Variants in TRAM2 observed in about 807,000 individuals in gnomAD.
The protein encoded by TRAM2 is translocating chain-associated membrane protein 2.
In TRAM2, 12 loss-of-function variants were observed where a neutral mutation model predicts 51.0. The observed-to-expected ratio is 0.24, with a 90% CI of 0.15 to 0.38. TRAM2 has a LOEUF of 0.38. Ranked by LOEUF, TRAM2 falls within the 10% of genes least tolerant of loss-of-function variation. The pLI is 1.00. For missense variants in TRAM2, 361 were observed against 462.0 expected (o/e 0.78, Z 2.00); for synonymous variants, 175 against 179.4 (o/e 0.98, Z 0.20).
rs753206897 is a variant in TRAM2 at position 52,504,604 on chromosome 6, G to A, written c.1026C>T (p.Ile342=). ...PATPRLPARL[I]KRESGYHENG... is the part of the protein sequence containing the mutation. ...CCTGGCACTCACCAGATTCCCTCTT[G>A]ATGAGCCTGGCTGGTAGTCTGGGTG... Residue 342 remains isoleucine (I), a synonymous_variant, in exon 10 of 11, where the codon ATC becomes ATT. Transcript: ENST00000182527. 2 of 1,614,174 alleles carry A rather than the reference G, an allele frequency of 1.2e-6. No homozygotes were observed. The highest frequency in any genetic ancestry group is 2.2e-5 in the South Asian group (2 of 91,086).
chr6:52,509,425 G>A (rs544415861), intron 5 of TRAM2, 103 bp downstream of exon 5: 41 of 1,128,284 alleles, frequency 3.6e-5, no homozygotes, highest in Middle Eastern at 2.4e-4. Flanking sequence ...TGATCTGCTC[G>A]TCAGGCCAGC....
intron 1 of TRAM2, among the ~76,000 whole-genome samples, chr6:52,572,276 C>G (rs1375373226): frequency 6.6e-6 from 1 of 152,156 alleles, no homozygotes; most frequent in African/African-American, 2.4e-5. Context: ...ACTAGAAAAG[C>G]TGGCAAAGGA....
chr6:52,546,038 G>A (rs1249749390), intron 1 of TRAM2, among the ~76,000 whole-genome samples: 1 of 152,172 alleles, frequency 6.6e-6, no homozygotes, highest in Non-Finnish European at 1.5e-5. Flanking sequence ...AGTACAGGCG[G>A]TTCAGGATGG....
At chr6:52,559,744 G>A (rs1767466840) in intron 1 of TRAM2, among the ~76,000 whole-genome samples, 1 of 152,056 alleles carries the variant, frequency 6.6e-6, no homozygotes, top group Non-Finnish European at 1.5e-5. Context: ...TCTCACCTCT[G>A]GGCTTACCCC....
At chr6:52,572,926 A>C (rs953534533) in intron 1 of TRAM2, among the ~76,000 whole-genome samples, 2 of 152,184 alleles carry the variant, frequency 1.3e-5, no homozygotes, top group Admixed American at 6.5e-5. Flanking sequence ...CCTCTAAAAC[A>C]ATCAAAAAGC....
chr6:52,513,362 C>T (rs1051334662), intron 4 of TRAM2, among the ~76,000 whole-genome samples: 1 of 152,208 alleles, frequency 6.6e-6, no homozygotes, highest in African/African-American at 2.4e-5. Context: ...CACTCATTCT[C>T]ATAGCCAACA....
At chr6:52,517,660 G>GC (rs1240436562) in intron 2 of TRAM2, among the ~76,000 whole-genome samples, 1 of 152,248 alleles carries the variant, frequency 6.6e-6, no homozygotes, top group East Asian at 1.9e-4. Flanking sequence ...CTGGGTCTGG[G>GC]CTGCTCTCTG....
At chr6:52,505,971 G>T in intron 8 of TRAM2, 61 bp downstream of exon 8, 1 of 1,573,914 alleles carries the variant, frequency 6.4e-7, no homozygotes, top group East Asian at 2.2e-5. Context: ...CAACCATCCG[G>T]GCCTCGGGGG....
chr6:52,521,784 C>T (rs942356397), intron 2 of TRAM2, among the ~76,000 whole-genome samples: 5 of 152,070 alleles, frequency 3.3e-5, no homozygotes, highest in African/African-American at 7.2e-5. Flanking sequence ...AATCCTCACA[C>T]GACCCAGGTT....
At position 52,499,846 on chromosome 6, in the gene TRAM2, A is replaced by G. The variant is rs576539039; in HGVS notation, c.*3351T>C. The G allele has an allele frequency of 1.3e-5, 2 of 152,366 alleles. No individual in the cohort carries two copies. The highest frequency in any genetic ancestry group is 4.1e-4 in the South Asian group (2 of 4,826). 9.4% of individuals were successfully genotyped at this position (152,366 alleles called of 1,614,324 possible). On this transcript the variant is annotated 3_prime_UTR_variant, in exon 11 of 11. Coordinates refer to ENST00000182527, the MANE Select transcript of TRAM2 (RefSeq NM_012288.4). ...GTGGCCCAGACACACATGGGATTAGAACTGACTCAAAAGGGAGGACAGCAG... is the reference window on the plus strand; with the variant it reads ...GTGGCCCAGACACACATGGGATTAGGACTGACTCAAAAGGGAGGACAGCAG...
chr6:52,548,456 C>T (rs1767249135), intron 1 of TRAM2, among the ~76,000 whole-genome samples: 1 of 152,218 alleles, frequency 6.6e-6, no homozygotes, highest in Non-Finnish European at 1.5e-5. Flanking sequence ...CCTCATCTAA[C>T]CTCCAACTCT....
chr6:52,518,805 A>G (rs1178153298), intron 2 of TRAM2, among the ~76,000 whole-genome samples: 3 of 152,228 alleles, frequency 2.0e-5, no homozygotes, highest in Non-Finnish European at 4.4e-5. Flanking sequence ...TAAAGAGACC[A>G]ATTAGGTGGC....
intron 2 of TRAM2, among the ~76,000 whole-genome samples, chr6:52,517,699 T>A (rs570872509): frequency 6.6e-6 from 1 of 152,338 alleles, no homozygotes; most frequent in South Asian, 2.1e-4. Flanking sequence ...GGCAAATGGC[T>A]GCTCTCCAGC....
intron 1 of TRAM2, 46 bp downstream of exon 1, chr6:52,576,750 G>C: frequency 6.2e-7 from 1 of 1,600,420 alleles, no homozygotes; most frequent in Non-Finnish European, 8.5e-7. Context: ...GGCGGTGCAC[G>C]ACAGGGGGCA....
At position 52,542,902 on chromosome 6, in the gene TRAM2, T is replaced by C. The variant is rs140381334; in HGVS notation, c.121-7056A>G. Among the ~76,000 whole-genome samples, 790 of 152,304 alleles carry C rather than the reference T, an allele frequency of 5.2e-3. 10 individuals are homozygous for C. Among genetic ancestry groups the C allele is most frequent in the African/African-American group, 0.018 (730 of 41,564 alleles). On this transcript the variant is annotated intron_variant, in intron 1 of 10. Transcript: ENST00000182527. Reference sequence around the variant, plus strand: ...GGCTTTTTAAAAAAGAGAATAAAGCTTGAACTTGCCATAATATACATCCCC... The same window carrying C: ...GGCTTTTTAAAAAAGAGAATAAAGCCTGAACTTGCCATAATATACATCCCC...
chr6:52,529,533 T>A (rs1324500900), intron 2 of TRAM2: 2 of 152,074 alleles, frequency 1.3e-5, no homozygotes, highest in Non-Finnish European at 2.9e-5. Flanking sequence ...AGAGTGTGTT[T>A]TTCTCACAGG....
At chr6:52,536,464 A>C (rs554493057) in intron 1 of TRAM2, among the ~76,000 whole-genome samples, 7 of 152,234 alleles carry the variant, frequency 4.6e-5, no homozygotes, top group Non-Finnish European at 1.0e-4. Flanking sequence ...TGTGGTTGCC[A>C]CCTAGTTATG....
intron 2 of TRAM2, chr6:52,517,417 T>A (rs1766572155): frequency 6.6e-6 from 1 of 152,248 alleles, no homozygotes; most frequent in Non-Finnish European, 1.5e-5. Context: ...GTTGGGCTAG[T>A]GCAAGGATCA....
At chr6:52,535,519 A>G (rs1273808535) in intron 2 of TRAM2, among the ~76,000 whole-genome samples, 1 of 152,196 alleles carries the variant, frequency 6.6e-6, no homozygotes, top group Non-Finnish European at 1.5e-5. Context: ...CTTCACTACT[A>G]AGAGTACAAA....
Sources: allele counts gnomAD v4.1 joint callset (sites outside exome capture counted in the v4.1 genomes callset), GRCh38; gene constraint gnomAD v4.1.1; transcripts MANE v1.5; gene names NCBI Gene and HGNC (gene_info 2026-07-23, HGNC 2026-07-21).